Variants in SYT2 observed in about 807,000 individuals in gnomAD.
SYT2 encodes the protein synaptotagmin-2.
SYT2 carries 15 observed loss-of-function variants against 39.9 expected under a neutral mutation model. The observed-to-expected ratio is 0.38, with a 90% CI of 0.25 to 0.58. SYT2 has a LOEUF of 0.58. Ranked by LOEUF, SYT2 falls within the 20% of genes least tolerant of loss-of-function variation. SYT2 has a pLI of 0.70. For synonymous variants in SYT2, 181 were observed against 204.5 expected (o/e 0.89, Z 0.98); for missense variants, 389 against 530.3 (o/e 0.73, Z 2.62).
chr1:202,693,815 T>C (rs1653904912), intron 1 of SYT2, among the ~76,000 whole-genome samples: 2 of 152,214 alleles, frequency 1.3e-5, no homozygotes, highest in Non-Finnish European at 2.9e-5. Context: ...GCTGGTAAGT[T>C]ATATTTTTAA....
intron 8 of SYT2, 52 bp from the exon 9 acceptor site, chr1:202,597,015 G>T: frequency 6.5e-7 from 1 of 1,530,212 alleles, no homozygotes; most frequent in South Asian, 1.1e-5. Flanking sequence ...GGGATCCCAT[G>T]ACCAAATTTA....
chr1:202,592,805 T>TA lies in SYT2; in HGVS notation c.*3951dup, dbSNP rs1690172202. On this transcript the variant is annotated 3_prime_UTR_variant, in exon 9 of 9. Coordinates refer to ENST00000367268, the MANE Select transcript of SYT2 (RefSeq NM_177402.5). ...ACCAAAGGGAGAGGGGGAAAAGTCA[T>TA]AGGGTAGGGTTCCCAGACACAATGC... 2.6e-5 allele frequency: 4 copies of TA among 152,202 alleles called. No homozygotes were observed. In the South Asian group the frequency reaches 8.3e-4, roughly 32 times the overall value. The allele number at this position is 152,202 out of a possible 1,614,324, so 9.4% of individuals were successfully genotyped here. A position where few individuals can be genotyped will look rare whatever the true frequency, so the allele number is the denominator to read the frequency against.
At chr1:202,649,617 C>T (rs1333429623) in intron 1 of SYT2, among the ~76,000 whole-genome samples, 1 of 152,204 alleles carries the variant, frequency 6.6e-6, no homozygotes, top group Non-Finnish European at 1.5e-5. Flanking sequence ...TCATCGCCTC[C>T]TGAGGCCGCA....
chr1:202,625,601 G>T (rs1250900348), intron 1 of SYT2, among the ~76,000 whole-genome samples: 4 of 151,946 alleles, frequency 2.6e-5, no homozygotes, highest in African/African-American at 9.7e-5. Flanking sequence ...ACCTAGCGGT[G>T]CCCCCTGCTG....
At chr1:202,629,867 T>TGA (rs1691522353) in intron 1 of SYT2, among the ~76,000 whole-genome samples, 1 of 39,530 alleles carries the variant, frequency 2.5e-5, no homozygotes, top group Non-Finnish European at 5.2e-5. Flanking sequence ...AGGCAGCTGG[T>TGA]GGGGGGGGGG....
At chr1:202,625,109 GT>G (rs1691348247) in intron 1 of SYT2, among the ~76,000 whole-genome samples, 1 of 750 alleles carries the variant, frequency 1.3e-3, no homozygotes, top group African/African-American at 2.7e-3. Flanking sequence ...TGTGTGTGGT[GT>G]GTGTGGTATG....
At chr1:202,646,874 G>A (rs1399060219) in intron 1 of SYT2, among the ~76,000 whole-genome samples, 2 of 152,092 alleles carry the variant, frequency 1.3e-5, no homozygotes, top group Non-Finnish European at 2.9e-5. Context: ...ACCTCACTTA[G>A]TGGCTCCTGA....
chr1:202,665,505 GT>G (rs1692465221), intron 1 of SYT2, among the ~76,000 whole-genome samples: 8 of 152,214 alleles, frequency 5.3e-5, no homozygotes, highest in Admixed American at 5.2e-4. Flanking sequence ...GGAAAAGTCT[GT>G]TTGGAGCTCT....
chr1:202,632,611 G>T (rs1171782817), intron 1 of SYT2: 1 of 984,778 alleles, frequency 1.0e-6, no homozygotes, highest in Non-Finnish European at 1.2e-6. Context: ...TTACCCAACA[G>T]GCTCGACTCT....
intron 1 of SYT2, among the ~76,000 whole-genome samples, chr1:202,670,637 G>T (rs927080325): frequency 6.6e-6 from 1 of 152,190 alleles, no homozygotes; most frequent in African/African-American, 2.4e-5. Context: ...AGCATAACAT[G>T]GCCATGACCA....
At chr1:202,677,555 G>C (rs117487058) in intron 1 of SYT2, among the ~76,000 whole-genome samples, 4 of 152,110 alleles carry the variant, frequency 2.6e-5, no homozygotes, top group Non-Finnish European at 5.9e-5. Flanking sequence ...GCCCCAACTC[G>C]CCATGTGAAT....
chr1:202,693,364 G>T (rs980701170), intron 1 of SYT2, among the ~76,000 whole-genome samples: 1 of 152,176 alleles, frequency 6.6e-6, no homozygotes, highest in African/African-American at 2.4e-5. Flanking sequence ...AGACCATGGG[G>T]AAGGGTACAG....
chr1:202,625,405 G>C (rs1281336679), intron 1 of SYT2, among the ~76,000 whole-genome samples: 24 of 150,840 alleles, frequency 1.6e-4, no homozygotes, highest in African/African-American at 5.6e-4. Flanking sequence ...GTGTAGTAGG[G>C]TGTGTGTGTG....
chr1:202,685,506 C>T (rs890316792), intron 1 of SYT2, among the ~76,000 whole-genome samples: 8 of 152,182 alleles, frequency 5.3e-5, no homozygotes, highest in African/African-American at 1.9e-4. Flanking sequence ...CTCCTGGTCT[C>T]TCTTGTCAGT....
chr1:202,708,466 G>T (rs1034420166), intron 1 of SYT2, among the ~76,000 whole-genome samples: 1 of 151,994 alleles, frequency 6.6e-6, no homozygotes, highest in African/African-American at 2.4e-5. Context: ...CCAAGCCTCT[G>T]GGGGGAGTCC....
At chr1:202,657,264 T>G (rs990622328) in intron 1 of SYT2, among the ~76,000 whole-genome samples, 5 of 152,174 alleles carry the variant, frequency 3.3e-5, no homozygotes, top group African/African-American at 1.2e-4. Context: ...AGAGCCACGT[T>G]CACCACGGTC....
intron 1 of SYT2, among the ~76,000 whole-genome samples, chr1:202,695,135 C>A (rs974286936): frequency 1.3e-5 from 2 of 152,104 alleles, no homozygotes; most frequent in Admixed American, 1.3e-4. Flanking sequence ...GTGTAGAGCA[C>A]CTTCCTCAGT....
rs1343009778 is a variant in SYT2 at position 202,605,670 on chromosome 1, C to A, written c.103G>T (p.Gly35Cys). 1.2e-6 allele frequency: 2 copies of A among 1,614,030 alleles called. No individual in the cohort carries two copies. The change falls in exon 2 of 9, where the codon GGT becomes TGT. Residue 35 changes from glycine (G) to cysteine (C), a missense_variant. Around this residue, in one of 4 missense-constraint regions of SYT2, gnomAD observed 280 missense variants for 335.6 expected, o/e 0.83. Transcript: ENST00000367268. ...ATGTCCTCCTGGCTCTCCCCAGCAC[C>A]CCCACTCTCAGTGGAGTTGTCCACG... ...GPVDNSTESGGAGESQEDMFA... is the reference protein window; with the variant it reads ...GPVDNSTESGCAGESQEDMFA...
At position 202,591,470 on chromosome 1, in the gene SYT2, C is replaced by T. The variant is rs1690115104; in HGVS notation, c.*5287G>A. On this transcript the variant is annotated 3_prime_UTR_variant, in exon 9 of 9. Coordinates refer to ENST00000367268, the MANE Select transcript of SYT2 (RefSeq NM_177402.5). ...GAAGCCCCCAGGCCCCTCTACTCAC[C>T]TCTGCTACTTGGTGCAACTGGCTGG... The T allele has an allele frequency of 6.6e-6, 1 of 152,496 alleles. No homozygotes were observed. The highest frequency in any genetic ancestry group is 6.5e-5 in the Admixed American group (1 of 15,286). The allele number at this position is 152,496 out of a possible 1,614,324, so 9.4% of individuals were successfully genotyped here. A position where few individuals can be genotyped will look rare whatever the true frequency, so the allele number is the denominator to read the frequency against.
Sources: gnomAD v4.1 joint callset for allele counts (sites outside exome capture counted in the v4.1 genomes callset) on GRCh38, gnomAD v4.1.1 for gene constraint, gnomAD v4.1.1 regional missense constraint, MANE v1.5 for transcripts, NCBI Gene and HGNC (gene_info 2026-07-23, HGNC 2026-07-21) for gene names.